PTPRN2: variants seen among roughly 807,000 people sequenced by gnomAD.
PTPRN2 encodes protein tyrosine phosphatase receptor type N2.
A neutral mutation model predicts 118.8 loss-of-function variants in PTPRN2; 74 were observed. The ratio of observed to expected loss-of-function variants is 0.62; its 90% CI spans 0.52 to 0.76. The LOEUF is 0.76. PTPRN2 is among the 30% of genes least tolerant of loss of function. The pLI, the probability that PTPRN2 is intolerant of heterozygous loss-of-function variation, is 0.00. For synonymous variants in PTPRN2, 641 were observed against 608.0 expected, an observed-to-expected ratio of 1.05 and a Z score of -0.80; for missense variants, 1,481 against 1,394.4, an observed-to-expected ratio of 1.06 and a Z score of -0.99.
At chr7:157,547,244 C>G (rs1384382438) in intron 22 of PTPRN2, among the ~76,000 whole-genome samples, 1 of 152,242 alleles carries the variant, frequency 6.6e-6, no homozygotes, top group African/African-American at 2.4e-5. Context: ...GTTCTCCCAG[C>G]CTCCATGGCC....
chr7:158,294,295 AG>A (rs1190560088), intron 3 of PTPRN2, among the ~76,000 whole-genome samples: 2 of 152,232 alleles, frequency 1.3e-5, no homozygotes, highest in African/African-American at 4.8e-5. Flanking sequence ...AGAATATCTA[AG>A]GACCTTCTGA....
chr7:157,723,504 G>A (rs1000672456), intron 12 of PTPRN2, among the ~76,000 whole-genome samples: 7 of 152,134 alleles, frequency 4.6e-5, no homozygotes, highest in African/African-American at 1.4e-4. Flanking sequence ...CACTGCGCTC[G>A]CCGGCTGTGT....
chr7:157,819,778 A>T lies in PTPRN2; in HGVS notation c.1788+78895T>A, dbSNP rs1399025871. Among the ~76,000 whole-genome samples, 5 of 151,782 alleles carry T rather than the reference A, an allele frequency of 3.3e-5. 1 individual carries two copies. In the South Asian group the frequency reaches 1.0e-3, roughly 32 times the overall value. ...CCCACCCACTGCCAGCCATGGGCAC[A>T]CACACAATATTTGTGTATTCATGAA... On this transcript the variant is annotated intron_variant, in intron 12 of 22. Transcript: ENST00000389418.
chr7:158,168,695 CCTGG>C (rs1418769243), intron 5 of PTPRN2, among the ~76,000 whole-genome samples: 2 of 152,142 alleles, frequency 1.3e-5, no homozygotes, highest in African/African-American at 4.8e-5. Context: ...TAGTCAATGC[CCTGG>C]CTAACAGTCT....
Position 157,893,805 on chromosome 7 carries a change from A to G in PTPRN2, c.1788+4868T>C, listed in dbSNP as rs1223074570. ...AGGGCCCAGGTGAGTTCCCCACAGG[A>G]GACAGCACCGGCAGAAAGGAGGAGG... On this transcript the variant is annotated intron_variant, in intron 12 of 22. Coordinates refer to ENST00000389418, the MANE Select transcript of PTPRN2 (RefSeq NM_002847.5). This position sits in a 1 kb window ranked among gnomAD's most constrained non-coding sequence, Gnocchi z 4.0. 2.0e-5 allele frequency among the ~76,000 whole-genome samples: 3 copies of G among 152,202 alleles called. No individual in the cohort carries two copies. The highest frequency in any genetic ancestry group is 7.2e-5 in the African/African-American group (3 of 41,444).
intron 12 of PTPRN2, among the ~76,000 whole-genome samples, chr7:157,707,242 A>T (rs137862175): frequency 6.6e-6 from 1 of 151,970 alleles, no homozygotes; most frequent in East Asian, 1.9e-4. Context: ...TCGCACACAC[A>T]TACACAGAAA....
intron 12 of PTPRN2, among the ~76,000 whole-genome samples, chr7:157,847,481 G>A (rs1808928952): frequency 2.7e-5 from 4 of 149,026 alleles, no homozygotes; most frequent in African/African-American, 1.0e-4. Flanking sequence ...CGTGCCCGAT[G>A]TCTACAGAGC....
intron 2 of PTPRN2, among the ~76,000 whole-genome samples, chr7:158,398,334 T>C (rs918077393): frequency 6.6e-6 from 1 of 152,166 alleles, no homozygotes; most frequent in African/African-American, 2.4e-5. Flanking sequence ...TTTCCTGGGT[T>C]GTGTTGCTGG....
intron 10 of PTPRN2, among the ~76,000 whole-genome samples, chr7:158,103,076 G>T (rs1456943490): frequency 1.3e-5 from 2 of 152,188 alleles, no homozygotes; most frequent in East Asian, 3.9e-4. Flanking sequence ...ACCCGTCCCT[G>T]TCTGACAGCA....
intron 11 of PTPRN2, among the ~76,000 whole-genome samples, chr7:157,935,749 G>A (rs1188645985): frequency 6.6e-6 from 1 of 152,182 alleles, no homozygotes; most frequent in Non-Finnish European, 1.5e-5. Flanking sequence ...TTTAAAATTG[G>A]AGCTCCCTGG....
Position 157,729,940 on chromosome 7 carries a change from T to G in PTPRN2, c.1789-47003A>C, listed in dbSNP as rs1466657353. 6.6e-6 allele frequency among the ~76,000 whole-genome samples: 1 copy of G among 152,122 alleles called. No homozygotes were observed. The highest frequency in any genetic ancestry group is 2.4e-5 in the African/African-American group (1 of 41,414). ...CGGAGGAGTCCAGCATTGGATTCAG[T>G]GGGCCAGGAACAGGGCATTCTTCTC... On this transcript the variant is annotated intron_variant, in intron 12 of 22. Transcript: ENST00000389418. This position sits in a 1 kb window ranked among gnomAD's most constrained non-coding sequence, Gnocchi z 4.3.
rs369696310 is a variant in PTPRN2, at chr7:158,274,375, CAG to C, written c.277+42442_277+42443del. On this transcript the variant is annotated intron_variant, in intron 3 of 22. Transcript: ENST00000389418. ...ACAGACACAGGGGGAGCCGCAGACA[CAG>C]GGGGAGCCGCAGGCACAGGGGGAGC... Among the ~76,000 whole-genome samples the C allele has an allele frequency of 1.3e-3, 160 of 125,636 alleles. 3 individuals carry two copies. Among genetic ancestry groups the C allele is most frequent in the Non-Finnish European group, 2.1e-3 (129 of 60,958 alleles). The allele number at this position is 125,636 out of a possible 152,430, so 82.4% of individuals were successfully genotyped here.
intron 15 of PTPRN2, among the ~76,000 whole-genome samples, chr7:157,607,781 C>T (rs534769391): frequency 3.9e-5 from 6 of 152,204 alleles, no homozygotes; most frequent in Non-Finnish European, 5.9e-5. Context: ...TAAGAAAATG[C>T]TTCCCTAGCT....
chr7:157,820,874 A>AGGC (rs1423660817), intron 12 of PTPRN2, among the ~76,000 whole-genome samples: 2 of 152,252 alleles, frequency 1.3e-5, no homozygotes, highest in Non-Finnish European at 2.9e-5. Context: ...GGAAAGTGTC[A>AGGC]GGCTGGGGCT....
intron 12 of PTPRN2, among the ~76,000 whole-genome samples, chr7:157,815,189 T>C (rs1037358466): frequency 6.6e-6 from 1 of 152,196 alleles, no homozygotes; most frequent in East Asian, 1.9e-4. Flanking sequence ...CTGGCCTGGG[T>C]GCTGCTGTGG....
intron 11 of PTPRN2, among the ~76,000 whole-genome samples, chr7:158,005,580 T>C (rs1563321156): frequency 6.6e-6 from 1 of 152,210 alleles, no homozygotes; most frequent in Non-Finnish European, 1.5e-5. Flanking sequence ...AAAATAAGAT[T>C]AGCTGCAGCG....
intron 3 of PTPRN2, among the ~76,000 whole-genome samples, chr7:158,226,969 T>C (rs1235430609): frequency 6.6e-6 from 1 of 151,716 alleles, no homozygotes; most frequent in African/African-American, 2.4e-5. Flanking sequence ...GGAACAGAGA[T>C]GCAAAGGTTT....
At chr7:157,899,890 G>A (rs1797344816) in intron 11 of PTPRN2, among the ~76,000 whole-genome samples, 1 of 152,218 alleles carries the variant, frequency 6.6e-6, no homozygotes, top group Admixed American at 6.5e-5. Context: ...AGCCCCAGGG[G>A]AGGGGAGGAC....
chr7:158,098,912 C>T (rs1191986522), intron 10 of PTPRN2, among the ~76,000 whole-genome samples: 2 of 151,866 alleles, frequency 1.3e-5, no homozygotes, highest in Non-Finnish European at 2.9e-5. Flanking sequence ...GTTCCTGGGT[C>T]CTTGAGGGGA....
Sources: gnomAD v4.1 joint callset for allele counts (sites outside exome capture counted in the v4.1 genomes callset) on GRCh38, gnomAD v4.1.1 for gene constraint, Gnocchi (gnomAD v3.1) non-coding constraint, MANE v1.5 for transcripts, NCBI Gene and HGNC (gene_info 2026-07-23, HGNC 2026-07-21) for gene names.